Variants in ZNF226 observed in about 807,000 individuals in gnomAD.
The protein encoded by ZNF226 is zinc finger protein 226, also known as Kruppel-associated box protein.
ZNF226 carries 6 observed loss-of-function variants against 11.4 expected under a neutral mutation model. That is an observed-to-expected ratio of 0.53 (90% confidence interval 0.29 to 1.04). The LOEUF is 1.04. ZNF226 is among the 50% of genes least tolerant of loss of function. The pLI is 0.08. For missense variants in ZNF226, 1,058 were observed against 956.5 expected (o/e 1.11, Z -1.40); for synonymous variants, 350 against 322.8 (o/e 1.08, Z -0.90).
At chr19:44,191,049 A>G in the ZNF226 span, among the ~76,000 whole-genome samples, 94 of 152,340 alleles carry the variant, frequency 6.2e-4, no homozygotes, top group African/African-American at 2.2e-3. Flanking sequence ...CAGTTATTCA[A>G]TTTCATGTAA....
At chr19:44,188,402 C>T in the ZNF226 span, among the ~76,000 whole-genome samples, 1 of 152,148 alleles carries the variant, frequency 6.6e-6, no homozygotes, top group South Asian at 2.1e-4. Context: ...AAAGAATGAA[C>T]CGTTGCATTT....
At chr19:44,187,172 A>G in the ZNF226 span, among the ~76,000 whole-genome samples, 3 of 151,980 alleles carry the variant, frequency 2.0e-5, no homozygotes, top group African/African-American at 7.2e-5. This position sits in a 1 kb window ranked among gnomAD's most constrained non-coding sequence, Gnocchi z 4.0. Flanking sequence ...TCTTTGGAAG[A>G]ATTTAAGAAG....
intron 2 of ZNF226, among the ~76,000 whole-genome samples, chr19:44,168,876 T>G (rs1276227932): frequency 6.6e-6 from 1 of 152,110 alleles, no homozygotes; most frequent in Non-Finnish European, 1.5e-5. Context: ...GATGTTCTAG[T>G]TATCTTTCAT....
intron 2 of ZNF226, chr19:44,166,982 C>G (rs960515500): frequency 6.6e-6 from 1 of 152,206 alleles, no homozygotes; most frequent in African/African-American, 2.4e-5. Flanking sequence ...ACAGATAAAA[C>G]TGAGCTGGCC....
chr19:44,178,596 AAAATCG>A (rs1304571137), downstream of ZNF226, among the ~76,000 whole-genome samples: 1 of 152,212 alleles, frequency 6.6e-6, no homozygotes, highest in Non-Finnish European at 1.5e-5. Context: ...AATTTCATCA[AAAATCG>A]ATTTTTGGAG....
In ZNF226 at chr19:44,177,356, A is replaced by G. The variant is rs553765917; in HGVS notation, c.2094A>G (p.Pro698=). 1.2e-5 allele frequency: 19 copies of G among 1,614,000 alleles called. No individual in the cohort carries two copies. The highest frequency in any genetic ancestry group is 1.3e-5 in the African/African-American group (1 of 74,890). The change falls in exon 6 of 6, where the codon CCA becomes CCG. Residue 698 remains proline (P), a synonymous_variant. Coordinates refer to ENST00000337433, the MANE Select transcript of ZNF226 (RefSeq NM_001032373.2). ...MHQRVHTGEK[P]YKCGECGKYF... ...AGAGGGTGCACACAGGAGAAAAACC[A>G]TATAAATGTGGGGAGTGTGGTAAGT...
At chr19:44,193,393 A>C in the ZNF226 span, among the ~76,000 whole-genome samples, 5 of 152,054 alleles carry the variant, frequency 3.3e-5, no homozygotes, top group East Asian at 9.6e-4. Context: ...GATCCAAATT[A>C]TATTTCTGAA....
downstream of ZNF226, among the ~76,000 whole-genome samples, chr19:44,183,280 T>C (rs544154920): frequency 1.1e-4 from 16 of 152,292 alleles, no homozygotes; most frequent in Admixed American, 3.3e-4. Context: ...TGAATGTTTT[T>C]GCTTAGGCCC....
rs187712637 is a variant in ZNF226, at chr19:44,173,066, G to A, written c.235+114G>A. On this transcript the variant is annotated intron_variant, in intron 5 of 5. Transcript: ENST00000337433. ...TGCCAACTGTCTTTCCTGGATTATT[G>A]CAACACCCTTTGTACTGCTTGCCCT... 120 of 960,690 alleles carry A rather than the reference G, an allele frequency of 1.2e-4. No individual in the cohort carries two copies. In the African/African-American group the frequency reaches 1.8e-3, roughly 15 times the overall value. 59.5% of individuals were successfully genotyped at this position (960,690 alleles called of 1,614,324 possible).
At chr19:44,199,383 C>G in the ZNF226 span, among the ~76,000 whole-genome samples, 1 of 152,100 alleles carries the variant, frequency 6.6e-6, no homozygotes, top group South Asian at 2.1e-4. Context: ...ACTTTGTTCC[C>G]TGGGCTGCCT....
chr19:44,187,881 C>G, the ZNF226 span, among the ~76,000 whole-genome samples: 1 of 151,856 alleles, frequency 6.6e-6, no homozygotes, highest in Non-Finnish European at 1.5e-5. This position sits in a 1 kb window ranked among gnomAD's most constrained non-coding sequence, Gnocchi z 4.0. Context: ...TATTTTTTGG[C>G]CCATTGGTTG....
rs375609782 is a variant in ZNF226, at chr19:44,176,219, C to T, written c.957C>T (p.Gly319=). The change falls in exon 6 of 6, where the codon GGC becomes GGT. Residue 319 remains glycine (G), a synonymous_variant. Transcript: ENST00000337433. The part of the protein sequence containing the change: ...CDECGKEFSQ[G]AHLQTHQKVH... ...AGTGTGGTAAGGAATTCAGTCAGGG[C>T]GCTCATCTACAGACCCATCAGAAAG... The T allele has an allele frequency of 1.0e-4, 162 of 1,614,094 alleles. No homozygotes were observed. The highest frequency in any genetic ancestry group is 1.2e-4 in the Non-Finnish European group (147 of 1,180,004).
At chr19:44,170,164 T>C in intron 3 of ZNF226, 69 bp downstream of exon 3, 1 of 1,546,792 alleles carries the variant, frequency 6.5e-7, no homozygotes. Context: ...AACCAGGTTT[T>C]TCTTTTTCAA....
At chr19:44,190,152 A>G in the ZNF226 span, among the ~76,000 whole-genome samples, 1 of 152,296 alleles carries the variant, frequency 6.6e-6, no homozygotes, top group African/African-American at 2.4e-5. Flanking sequence ...CCTAATTTCT[A>G]CCAAAGATAA....
chr19:44,182,030 A>G (rs146341087), downstream of ZNF226, among the ~76,000 whole-genome samples: 19 of 152,322 alleles, frequency 1.2e-4, no homozygotes, highest in Non-Finnish European at 2.1e-4. Context: ...TGGAAATAAT[A>G]CAATGATGGA....
At position 44,177,671 on chromosome 19, in the gene ZNF226, AT is replaced by A; in HGVS notation, c.2410del (p.Ter804AspfsTer4). The A allele has an allele frequency of 6.4e-7, 1 of 1,574,624 alleles. No homozygotes were observed. Among genetic ancestry groups the A allele is most frequent in the Middle Eastern group, 1.7e-4 (1 of 5,758 alleles). Reference protein sequence around the residue: ...ESTQEKKSIK* With the variant: ...ESTQEKKSIKX ...CCACACAGGAAAAAAAATCTATAAA[AT>A]GATTCTTTGTGAAGACTCGTGTCAT... is the stretch of plus-strand genomic sequence containing the variant. On this transcript the variant is annotated frameshift_variant and stop_lost, in exon 6 of 6. Coordinates refer to ENST00000337433, the MANE Select transcript of ZNF226 (RefSeq NM_001032373.2). LOFTEE classifies it high-confidence loss of function.
At chr19:44,194,911 G>A in the ZNF226 span, among the ~76,000 whole-genome samples, 2 of 152,086 alleles carry the variant, frequency 1.3e-5, no homozygotes, top group Admixed American at 1.3e-4. Flanking sequence ...AACAAGCAGG[G>A]AAAACAAAAG....
At chr19:44,168,752 T>A (rs1969699296) in intron 2 of ZNF226, among the ~76,000 whole-genome samples, 1 of 152,084 alleles carries the variant, frequency 6.6e-6, no homozygotes, top group Admixed American at 6.6e-5. Context: ...CTCAACTTTG[T>A]TTTTTTGGAT....
intron 2 of ZNF226, among the ~76,000 whole-genome samples, chr19:44,166,516 T>C (rs1969395391): frequency 1.3e-5 from 2 of 152,128 alleles, no homozygotes; most frequent in South Asian, 4.1e-4. Flanking sequence ...AGAAAAGAGT[T>C]TTTAAAAATA....
Sources: gnomAD v4.1 joint callset for allele counts (sites outside exome capture counted in the v4.1 genomes callset) on GRCh38, gnomAD v4.1.1 for gene constraint, Gnocchi (gnomAD v3.1) non-coding constraint, MANE v1.5 for transcripts, NCBI Gene and HGNC (gene_info 2026-07-23, HGNC 2026-07-21) for gene names.